The following WWOX variants were observed in gnomAD, a reference collection of about 807,000 sequenced individuals.
The protein encoded by WWOX is WW domain-containing oxidoreductase.
Under a neutral mutation model 46.2 loss-of-function variants are expected in WWOX, and 69 were observed. The observed-to-expected ratio is 1.49, with a 90% CI of 1.23 to 1.82. The LOEUF (loss-of-function observed/expected upper bound fraction) is 1.82, where lower values mean the gene tolerates loss of function less well. Among genes scored for constraint, WWOX ranks in the 40% most tolerant of loss-of-function variants. WWOX has a pLI of 0.00. For missense variants in WWOX, 919 were observed against 542.6 expected, an observed-to-expected ratio of 1.69 and a Z score of -6.89; for synonymous variants, 359 against 202.6, an observed-to-expected ratio of 1.77 and a Z score of -6.56.
At chr16:78,779,459 G>C (rs1365064956) in intron 8 of WWOX, among the ~76,000 whole-genome samples, 1 of 152,080 alleles carries the variant, frequency 6.6e-6, no homozygotes, top group Non-Finnish European at 1.5e-5. Context: ...TTTTAAAGTG[G>C]GGTATTAAGG....
intron 5 of WWOX, among the ~76,000 whole-genome samples, chr16:78,386,209 G>T (rs2082057013): frequency 6.6e-6 from 1 of 152,278 alleles, no homozygotes; most frequent in East Asian, 1.9e-4. Flanking sequence ...GAGATGGTAT[G>T]CAAATGTCCA....
intron 8 of WWOX, among the ~76,000 whole-genome samples, chr16:78,448,395 G>C (rs921453224): frequency 3.3e-5 from 5 of 152,150 alleles, no homozygotes; most frequent in African/African-American, 9.7e-5. Context: ...AGCCTTTGTA[G>C]ATTAGGAACC....
chr16:78,260,423 G>T lies in WWOX; in HGVS notation c.516+96134G>T, dbSNP rs370704320. ...CTCAGGCCTGTAATCCCAGCACTTT[G>T]GGAGGCCAAGGCGGGCAGATCACTT... On this transcript the variant is annotated intron_variant, in intron 5 of 8. Coordinates refer to ENST00000566780, the MANE Select transcript of WWOX (RefSeq NM_016373.4). Among the ~76,000 whole-genome samples, 30 of 151,752 alleles carry T rather than the reference G, an allele frequency of 2.0e-4. 1 individual carries two copies. In the East Asian group the frequency reaches 5.6e-3, roughly 28 times the overall value.
chr16:78,580,837 A>T (rs990367504), intron 8 of WWOX, among the ~76,000 whole-genome samples: 2 of 152,176 alleles, frequency 1.3e-5, no homozygotes, highest in African/African-American at 4.8e-5. Flanking sequence ...CTCAACACCT[A>T]TGCCTCTTTC....
chr16:78,434,175 A>G (rs1203146746), intron 8 of WWOX, among the ~76,000 whole-genome samples: 1 of 151,916 alleles, frequency 6.6e-6, no homozygotes, highest in Non-Finnish European at 1.5e-5. Flanking sequence ...TAATCACCCA[A>G]GTGGTTTTTA....
intron 8 of WWOX, among the ~76,000 whole-genome samples, chr16:78,870,274 C>T (rs1444854317): frequency 6.6e-6 from 1 of 152,202 alleles, no homozygotes; most frequent in Non-Finnish European, 1.5e-5. Context: ...GACCCAGTTT[C>T]TTTGACTAAA....
chr16:78,888,580 T>C (rs2044518069), intron 8 of WWOX, among the ~76,000 whole-genome samples: 2 of 152,268 alleles, frequency 1.3e-5, no homozygotes, highest in African/African-American at 4.8e-5. Flanking sequence ...GTTTTGAGGA[T>C]GGAGACAGCT....
chr16:79,147,220 C>T (rs1239590616), intron 8 of WWOX, among the ~76,000 whole-genome samples: 3 of 152,200 alleles, frequency 2.0e-5, no homozygotes, highest in South Asian at 2.1e-4. Flanking sequence ...AATTCCCTTG[C>T]GTTGCCTTGC....
chr16:78,160,337 C>G (rs568141053), intron 4 of WWOX, among the ~76,000 whole-genome samples: 33 of 152,226 alleles, frequency 2.2e-4, no homozygotes, highest in African/African-American at 6.3e-4. Flanking sequence ...GTTGCCCAGG[C>G]TGGTCTCGAA....
chr16:78,516,809 G>A (rs1024970777), intron 8 of WWOX, among the ~76,000 whole-genome samples: 1 of 152,166 alleles, frequency 6.6e-6, no homozygotes, highest in African/African-American at 2.4e-5. Context: ...AAACTACTAA[G>A]AGAAGAGAGG....
At chr16:78,577,909 T>A (rs547992850) in intron 8 of WWOX, among the ~76,000 whole-genome samples, 4 of 152,246 alleles carry the variant, frequency 2.6e-5, no homozygotes, top group African/African-American at 9.6e-5. Flanking sequence ...AAGGGTGGTT[T>A]CTTGCTATCA....
chr16:78,888,352 A>C lies in WWOX; in HGVS notation c.1057-323256A>C, dbSNP rs148601761. Among the ~76,000 whole-genome samples the C allele has an allele frequency of 1.4e-4, 21 of 152,300 alleles. No individual in the cohort carries two copies. In the East Asian group the frequency reaches 4.1e-3, roughly 29 times the overall value. ...GTTTCCTTCTCAGAACTGAAATCCCAGGTACCTGCCCAGAGGCAGCTCCCT... is the reference window on the plus strand; with the variant it reads ...GTTTCCTTCTCAGAACTGAAATCCCCGGTACCTGCCCAGAGGCAGCTCCCT... On this transcript the variant is annotated intron_variant, in intron 8 of 8. Transcript: ENST00000566780.
intron 8 of WWOX, among the ~76,000 whole-genome samples, chr16:78,617,532 C>G (rs539367124): frequency 2.6e-5 from 4 of 152,136 alleles, no homozygotes; most frequent in African/African-American, 7.2e-5. Context: ...ACTTAAGAAG[C>G]CACATAAAGA....
At chr16:78,811,317 A>G (rs1295419969) in intron 8 of WWOX, among the ~76,000 whole-genome samples, 1 of 152,126 alleles carries the variant, frequency 6.6e-6, no homozygotes, top group Non-Finnish European at 1.5e-5. Flanking sequence ...TCTGGGTTGG[A>G]TAAATCACTT....
chr16:79,102,392 T>C (rs1597377407), intron 8 of WWOX, among the ~76,000 whole-genome samples: 1 of 152,274 alleles, frequency 6.6e-6, no homozygotes, highest in African/African-American at 2.4e-5. Flanking sequence ...TTGAAAACTT[T>C]TATGAATGTA....
At chr16:79,051,326 CA>C (rs981068255) in intron 8 of WWOX, among the ~76,000 whole-genome samples, 1 of 152,178 alleles carries the variant, frequency 6.6e-6, no homozygotes, top group African/African-American at 2.4e-5. Context: ...TGCTTTAAAT[CA>C]GTAAGTTTGT....
intron 8 of WWOX, among the ~76,000 whole-genome samples, chr16:79,151,760 C>G (rs1392875764): frequency 6.6e-6 from 1 of 152,174 alleles, no homozygotes; most frequent in East Asian, 1.9e-4. Context: ...CCAGAGCCAC[C>G]TAATGGGCCT....
At chr16:78,416,294 GAAT>G (rs1162167408) in intron 6 of WWOX, among the ~76,000 whole-genome samples, 1 of 152,116 alleles carries the variant, frequency 6.6e-6, no homozygotes, top group African/African-American at 2.4e-5. Flanking sequence ...TGTGCCATTT[GAAT>G]AATAAGAACC....
intron 8 of WWOX, among the ~76,000 whole-genome samples, chr16:78,939,488 G>T (rs1227340993): frequency 8.5e-5 from 13 of 152,134 alleles, no homozygotes; most frequent in Admixed American, 8.5e-4. Context: ...TTGAGAAATG[G>T]CCAAAAGTTT....
Sources: allele counts gnomAD v4.1 joint callset (sites outside exome capture counted in the v4.1 genomes callset), GRCh38; gene constraint gnomAD v4.1.1; transcripts MANE v1.5; gene names NCBI Gene and HGNC (gene_info 2026-07-23, HGNC 2026-07-21).